PLCB1: variants seen among roughly 807,000 people sequenced by gnomAD.
PLCB1 encodes 1-phosphatidylinositol 4,5-bisphosphate phosphodiesterase beta-1.
PLCB1 carries 46 observed loss-of-function variants against 161.8 expected under a neutral mutation model. The ratio of observed to expected loss-of-function variants is 0.28; its 90% CI spans 0.22 to 0.36. The LOEUF (loss-of-function observed/expected upper bound fraction) is 0.36. Among genes scored for constraint, PLCB1 ranks in the 10% least tolerant of loss-of-function variants. PLCB1 has a pLI of 1.00. For synonymous variants in PLCB1, 517 were observed against 503.7 expected, an observed-to-expected ratio of 1.03 and a Z score of -0.35; for missense variants, 1,016 against 1,472.5, an observed-to-expected ratio of 0.69 and a Z score of 5.07.
chr20:8,483,596 T>C (rs1267355081), intron 3 of PLCB1, among the ~76,000 whole-genome samples: 1 of 152,176 alleles, frequency 6.6e-6, no homozygotes, highest in Non-Finnish European at 1.5e-5. Context: ...GAGATCTTCC[T>C]AGTTAAAAAT....
At chr20:8,375,799 AGTTCC>A (rs1987055418) in intron 3 of PLCB1, among the ~76,000 whole-genome samples, 1 of 152,138 alleles carries the variant, frequency 6.6e-6, no homozygotes, top group Non-Finnish European at 1.5e-5. Flanking sequence ...TAGGTATGTA[AGTTCC>A]GTTAGCCCTT....
At chr20:8,385,049 G>C (rs1987382798) in intron 3 of PLCB1, among the ~76,000 whole-genome samples, 1 of 152,222 alleles carries the variant, frequency 6.6e-6, no homozygotes, top group Admixed American at 6.5e-5. Flanking sequence ...CACTTTGACT[G>C]TCACTTGGTG....
chr20:8,384,555 T>C (rs980199679), intron 3 of PLCB1, among the ~76,000 whole-genome samples: 5 of 152,136 alleles, frequency 3.3e-5, no homozygotes, highest in African/African-American at 1.2e-4. Context: ...TGTCCAGTTC[T>C]GCACCCTTGC....
At chr20:8,600,416 G>A (rs1317010623) in intron 3 of PLCB1, among the ~76,000 whole-genome samples, 2 of 142,392 alleles carry the variant, frequency 1.4e-5, no homozygotes, top group Admixed American at 1.4e-4. Context: ...CTGCTCGGGG[G>A]TCAGGGGTCA....
intron 2 of PLCB1, among the ~76,000 whole-genome samples, chr20:8,306,637 T>C (rs1474953949): frequency 6.6e-6 from 1 of 152,236 alleles, no homozygotes; most frequent in Non-Finnish European, 1.5e-5. Context: ...ATACAACAGA[T>C]GCCCCATCTA....
chr20:8,457,138 A>G (rs1055705373), intron 3 of PLCB1, among the ~76,000 whole-genome samples: 3 of 152,228 alleles, frequency 2.0e-5, no homozygotes, highest in African/African-American at 7.2e-5. Flanking sequence ...GGGCTACCTA[A>G]TGAGGCCACC....
intron 2 of PLCB1, among the ~76,000 whole-genome samples, chr20:8,360,855 G>A (rs1313895168): frequency 6.6e-6 from 1 of 152,074 alleles, no homozygotes. Context: ...AGAGGAAAAG[G>A]TCATCAAAAT....
intron 3 of PLCB1, among the ~76,000 whole-genome samples, chr20:8,387,724 A>C (rs1987468386): frequency 6.6e-6 from 1 of 152,188 alleles, no homozygotes; most frequent in Non-Finnish European, 1.5e-5. Context: ...AAGTGCAATA[A>C]AATGAGGTGT....
At position 8,211,171 on chromosome 20, in the gene PLCB1, TCTACTTC is replaced by T. The variant is rs763672812; in HGVS notation, c.177+60803_177+60809del. ...CCCTTTGTTTGGTGCCCCAGAGGAT[TCTACTTC>T]CTGAGATTATGCCCCTTAGCAAGAT... On this transcript the variant is annotated intron_variant, in intron 2 of 31. Coordinates refer to ENST00000338037, the MANE Select transcript of PLCB1 (RefSeq NM_015192.4). Among the ~76,000 whole-genome samples, 11 of 152,218 alleles carry T rather than the reference TCTACTTC, an allele frequency of 7.2e-5. No homozygotes were observed. The East Asian group carries it at 1.7e-3, about 24-fold the overall frequency.
At chr20:8,711,778 T>G (rs938154608) in intron 12 of PLCB1, among the ~76,000 whole-genome samples, 2 of 151,880 alleles carry the variant, frequency 1.3e-5, no homozygotes, top group Admixed American at 1.3e-4. Flanking sequence ...ATCTAGTTCC[T>G]GAGCCCATGG....
chr20:8,810,692 G>A lies in PLCB1; in HGVS notation c.3423+20431G>A, dbSNP rs530359214. 9.7e-4 allele frequency among the ~76,000 whole-genome samples: 147 copies of A among 152,268 alleles called. 3 individuals carry two copies. Among genetic ancestry groups the A allele is most frequent in the South Asian group, 1.5e-3 (7 of 4,824 alleles). Reference sequence around the variant, plus strand: ...AAAACGTCTGGTAGAGGCCGGGCATGGTGGCTCATGCTTATAATCCCAGCA... The same window carrying A: ...AAAACGTCTGGTAGAGGCCGGGCATAGTGGCTCATGCTTATAATCCCAGCA... On this transcript the variant is annotated intron_variant, in intron 31 of 31. Coordinates refer to ENST00000338037, the MANE Select transcript of PLCB1 (RefSeq NM_015192.4).
chr20:8,140,617 T>C (rs867345726), intron 1 of PLCB1, among the ~76,000 whole-genome samples: 2 of 152,284 alleles, frequency 1.3e-5, no homozygotes, highest in Non-Finnish European at 1.5e-5. Flanking sequence ...TCTTTTGCAT[T>C]TCACGTAGAA....
rs540693889 is a variant in PLCB1 at position 8,132,770 on chromosome 20, G to C, written c.99+20G>C. ...GATGATGTAAGTATTGGGGCGGCCC[G>C]AGTCGGGGCGCTGGCTCGGGCACCG... On this transcript the variant is annotated intron_variant, in intron 1 of 31. Transcript: ENST00000338037. The surrounding 1 kb of genome is among the most constrained non-coding windows in gnomAD (Gnocchi z 5.2). 1 of 1,570,994 alleles carries C rather than the reference G, an allele frequency of 6.4e-7. No homozygotes were observed. Among genetic ancestry groups the C allele is most frequent in the East Asian group, 2.3e-5 (1 of 44,418 alleles).
At chr20:8,826,475 A>G (rs1989469) in intron 31 of PLCB1, among the ~76,000 whole-genome samples, 45,593 of 148,960 alleles carry the variant, frequency 0.31, 8,007 homozygotes, top group East Asian at 0.63. Flanking sequence ...CAGCCTGGGC[A>G]ACAGAGCGAG....
intron 2 of PLCB1, among the ~76,000 whole-genome samples, chr20:8,182,124 A>T (rs1290751427): frequency 2.0e-5 from 3 of 152,214 alleles, no homozygotes; most frequent in Non-Finnish European, 2.9e-5. Flanking sequence ...TATCATTCTG[A>T]GACACAGATC....
chr20:8,143,081 A>T (rs1021811768), intron 1 of PLCB1, among the ~76,000 whole-genome samples: 3 of 152,192 alleles, frequency 2.0e-5, no homozygotes, highest in Non-Finnish European at 4.4e-5. Flanking sequence ...TTTCCTAAGA[A>T]CATAGCAATA....
At chr20:8,782,980 A>T (rs192960485) in intron 27 of PLCB1, among the ~76,000 whole-genome samples, 1 of 152,212 alleles carries the variant, frequency 6.6e-6, no homozygotes, top group Non-Finnish European at 1.5e-5. Context: ...CCTCCATGGA[A>T]ACCATTTTCT....
intron 31 of PLCB1, among the ~76,000 whole-genome samples, chr20:8,808,029 T>G (rs1457349070): frequency 6.6e-6 from 1 of 152,156 alleles, no homozygotes; most frequent in African/African-American, 2.4e-5. Flanking sequence ...TGGCAGTCAC[T>G]GAGCTGAGAC....
At chr20:8,148,262 C>T (rs2051474710) in intron 1 of PLCB1, among the ~76,000 whole-genome samples, 2 of 152,176 alleles carry the variant, frequency 1.3e-5, no homozygotes, top group African/African-American at 4.8e-5. Flanking sequence ...TTATTGGAAA[C>T]ATTGGTGTGA....
Sources: allele counts gnomAD v4.1 joint callset (sites outside exome capture counted in the v4.1 genomes callset), GRCh38; gene constraint gnomAD v4.1.1; non-coding constraint Gnocchi (gnomAD v3.1); transcripts MANE v1.5; gene names NCBI Gene and HGNC (gene_info 2026-07-23, HGNC 2026-07-21).